ATRN: variants seen among roughly 807,000 people sequenced by gnomAD.
ATRN encodes attractin.
ATRN carries 54 observed loss-of-function variants against 178.7 expected under a neutral mutation model. The observed-to-expected ratio is 0.30, with a 90% CI of 0.24 to 0.38. The LOEUF is 0.38. Ranked by LOEUF, ATRN falls within the 10% of genes least tolerant of loss-of-function variation. The pLI is 1.00. For synonymous variants in ATRN, 636 were observed against 663.0 expected, an observed-to-expected ratio of 0.96 and a Z score of 0.63; for missense variants, 1,443 against 1,815.1, an observed-to-expected ratio of 0.79 and a Z score of 3.73.
At chr20:3,596,696 A>G (rs973350232) in intron 21 of ATRN, among the ~76,000 whole-genome samples, 1 of 113,796 alleles carries the variant, frequency 8.8e-6, no homozygotes, top group Non-Finnish European at 1.8e-5. Context: ...GTCTATCCAC[A>G]TTTATGTTCT....
intron 6 of ATRN, among the ~76,000 whole-genome samples, chr20:3,550,066 G>T (rs1412180482): frequency 1.3e-5 from 2 of 152,200 alleles, no homozygotes; most frequent in Non-Finnish European, 2.9e-5. Context: ...AGTGGCTCAC[G>T]CCTATAACCC....
At chr20:3,639,139 T>C (rs6037644) in intron 27 of ATRN, among the ~76,000 whole-genome samples, 2,421 of 152,362 alleles carry the variant, frequency 0.016, 64 homozygotes, top group African/African-American at 0.055. Flanking sequence ...CTGAGCAGTC[T>C]TGTGTTCAGG....
chr20:3,489,461 G>T, intron 1 of ATRN: 1 of 900,702 alleles, frequency 1.1e-6, no homozygotes. Context: ...ATTTGGTTGG[G>T]AGAAATAGAA....
At chr20:3,630,304 T>C (rs151267495) in intron 25 of ATRN, among the ~76,000 whole-genome samples, 2 of 152,338 alleles carry the variant, frequency 1.3e-5, no homozygotes, top group East Asian at 3.9e-4. Flanking sequence ...GCTTAATATC[T>C]GGGTCGGTAG....
intron 28 of ATRN, among the ~76,000 whole-genome samples, chr20:3,644,660 C>T (rs1490593745): frequency 6.6e-6 from 1 of 152,192 alleles, no homozygotes; most frequent in Non-Finnish European, 1.5e-5. Context: ...CATGTTCTTC[C>T]TCAGTTGCCT....
chr20:3,578,453 A>G (rs2086240508), intron 14 of ATRN, 129 bp from the exon 15 acceptor site: 1 of 778,796 alleles, frequency 1.3e-6, no homozygotes, highest in Non-Finnish European at 2.0e-6. Context: ...AGAGGCTCCC[A>G]CATCCTAATG....
chr20:3,513,800 G>T lies in ATRN; in HGVS notation c.411-21453G>T, dbSNP rs547687857. On this transcript the variant is annotated intron_variant, in intron 1 of 28. Coordinates refer to ENST00000262919, the MANE Select transcript of ATRN (RefSeq NM_139321.3). ...GTGGTTTGTAGTTCTCCTTGAAGAGGTCCTTCACGTCCCTTGTAAGTTGGA... is the reference window on the plus strand; with the variant it reads ...GTGGTTTGTAGTTCTCCTTGAAGAGTTCCTTCACGTCCCTTGTAAGTTGGA... Among the ~76,000 whole-genome samples the T allele has an allele frequency of 2.3e-4, 35 of 152,194 alleles. No individual in the cohort carries two copies. The Middle Eastern group carries it at 0.01, about 44-fold the overall frequency.
Position 3,575,836 on chromosome 20 carries a change from A to G in ATRN, c.2102A>G (p.His701Arg), listed in dbSNP as rs762478782. The stretch of plus-strand genomic sequence containing the variant: ...TTTGTTTTCTTTGCAGCTCTTGACC[A>G]TGACAGATGTGACCAGCACACAGAT... ...SECFSKRTLDHDRCDQHTDCY... is the reference protein window; with the variant it reads ...SECFSKRTLDRDRCDQHTDCY... The change falls in exon 13 of 29, where the codon CAT (histidine) becomes CGT (arginine). Residue 701 changes from histidine to arginine, a missense_variant. Physicochemically the swap from His to Arg is conservative, Grantham distance 29 (BLOSUM62 0). Transcript: ENST00000262919. 25 of 1,608,130 alleles carry G rather than the reference A, an allele frequency of 1.6e-5. No individual in the cohort carries two copies. In the African/African-American group the frequency reaches 1.9e-4, roughly 12 times the overall value.
Position 3,638,700 on chromosome 20 carries a change from T to C in ATRN, c.3943-128T>C. Reference sequence around the variant, plus strand: ...CCCTAATGTTATCTAATATCAAGTCTAAAAAGTATCATTTTGGACTTGATT... The same window carrying C: ...CCCTAATGTTATCTAATATCAAGTCCAAAAAGTATCATTTTGGACTTGATT... On this transcript the variant is annotated intron_variant, in intron 26 of 28. Transcript: ENST00000262919. The surrounding 1 kb of genome is among the most constrained non-coding windows in gnomAD (Gnocchi z 4.5). The C allele has an allele frequency of 2.7e-6, 2 of 733,832 alleles. No homozygotes were observed. The highest frequency in any genetic ancestry group is 3.8e-5 in the South Asian group (2 of 52,740). The allele number at this position is 733,832 out of a possible 1,614,324, so 45.5% of individuals were successfully genotyped here.
At chr20:3,485,996 C>T (rs2084688916) in intron 1 of ATRN, among the ~76,000 whole-genome samples, 1 of 152,100 alleles carries the variant, frequency 6.6e-6, no homozygotes, top group South Asian at 2.1e-4. Flanking sequence ...ATTTTGTCTT[C>T]ACCCTTGAAT....
At chr20:3,520,766 C>T (rs573642537) in intron 1 of ATRN, among the ~76,000 whole-genome samples, 134 of 152,162 alleles carry the variant, frequency 8.8e-4, no homozygotes, top group Admixed American at 6.1e-3. Context: ...CAAAGTGCTG[C>T]GATTACAGGC....
chr20:3,579,819 T>G (rs1845954392), intron 15 of ATRN, among the ~76,000 whole-genome samples: 1 of 152,118 alleles, frequency 6.6e-6, no homozygotes, highest in Non-Finnish European at 1.5e-5. Flanking sequence ...GGGCAACACT[T>G]CCTTGGGTAC....
At chr20:3,544,972 A>G (rs1427452906) in intron 3 of ATRN, among the ~76,000 whole-genome samples, 1 of 152,170 alleles carries the variant, frequency 6.6e-6, no homozygotes, top group African/African-American at 2.4e-5. Context: ...GGAATATACA[A>G]TGTAAATAAC....
intron 4 of ATRN, 56 bp from the exon 5 acceptor site, chr20:3,547,228 T>G (rs1251017835): frequency 8.1e-6 from 11 of 1,360,568 alleles, no homozygotes; most frequent in Non-Finnish European, 1.0e-5. Flanking sequence ...GAAGTTATGC[T>G]AAGTTAATGG....
intron 26 of ATRN, among the ~76,000 whole-genome samples, chr20:3,636,078 G>A (rs1477246295): frequency 1.3e-5 from 2 of 152,196 alleles, no homozygotes; most frequent in African/African-American, 2.4e-5. Context: ...AGGTTGAGAT[G>A]AGCTTATGGA....
chr20:3,492,304 G>T (rs183742903), intron 1 of ATRN, among the ~76,000 whole-genome samples: 92 of 151,966 alleles, frequency 6.1e-4, no homozygotes, highest in African/African-American at 2.0e-3. Context: ...AATTGGCTTC[G>T]CAGGTGAGAG....
intron 26 of ATRN, among the ~76,000 whole-genome samples, chr20:3,637,277 A>C (rs1428447808): frequency 6.6e-6 from 1 of 152,200 alleles, no homozygotes; most frequent in African/African-American, 2.4e-5. Context: ...TATTTTTAAA[A>C]ACAATAGTAG....
At chr20:3,573,372 A>C (rs1176793771) in intron 12 of ATRN, among the ~76,000 whole-genome samples, 1 of 152,218 alleles carries the variant, frequency 6.6e-6, no homozygotes, top group African/African-American at 2.4e-5. Flanking sequence ...TGAAGAACTG[A>C]ATTTTTAATT....
At chr20:3,483,599 G>A (rs569150392) in intron 1 of ATRN, among the ~76,000 whole-genome samples, 1 of 152,186 alleles carries the variant, frequency 6.6e-6, no homozygotes, top group African/African-American at 2.4e-5. Context: ...TGCCTGCCTG[G>A]GGCTCTCAGA....
Sources: gnomAD v4.1 joint callset for allele counts (sites outside exome capture counted in the v4.1 genomes callset) on GRCh38, gnomAD v4.1.1 for gene constraint, Gnocchi (gnomAD v3.1) non-coding constraint, MANE v1.5 for transcripts, NCBI Gene and HGNC (gene_info 2026-07-23, HGNC 2026-07-21) for gene names.